Variants in CWC22 observed in about 807,000 individuals in gnomAD.
CWC22 encodes the protein CWC22 spliceosome associated protein.
A neutral mutation model predicts 117.2 loss-of-function variants in CWC22; 53 were observed. The observed-to-expected ratio is 0.45, with a 90% CI of 0.36 to 0.57. The LOEUF is 0.57. Among genes scored for constraint, CWC22 ranks in the 20% least tolerant of loss-of-function variants. The probability of loss-of-function intolerance (pLI) is 0.00; values close to 1 mark genes in which losing one functional copy is unlikely to be tolerated. For synonymous variants in CWC22, 360 were observed against 355.6 expected (o/e 1.01, Z -0.14); for missense variants, 980 against 1,068.8 (o/e 0.92, Z 1.16).
At chr2:179,946,128 C>G (rs1686288981) in intron 19 of CWC22, among the ~76,000 whole-genome samples, 1 of 152,090 alleles carries the variant, frequency 6.6e-6, no homozygotes, top group Admixed American at 6.6e-5. Flanking sequence ...GGTGATCTGC[C>G]TGCCTCGGCC....
rs1190453995 is a variant in CWC22, at chr2:179,970,441, G to A, written c.1210+60C>T. On this transcript the variant is annotated intron_variant, in intron 11 of 19. Coordinates refer to ENST00000410053, the MANE Select transcript of CWC22 (RefSeq NM_020943.3). ...TCTAAATATTTGCTATCAGTATTAC[G>A]TAACTACTTAAATTGCTTCTACTTA... is the stretch of plus-strand genomic sequence containing the variant. The A allele has an allele frequency of 1.8e-5, 25 of 1,381,468 alleles. No individual in the cohort carries two copies. In the Admixed American group the frequency reaches 3.4e-4, roughly 19 times the overall value. The allele number at this position is 1,381,468 out of a possible 1,614,324, so 85.6% of individuals were successfully genotyped here.
chr2:179,986,926 G>T, intron 3 of CWC22, 121 bp from the exon 4 acceptor site: 2 of 493,070 alleles, frequency 4.1e-6, no homozygotes, highest in African/African-American at 2.0e-5. Context: ...GTGTCAAACT[G>T]TTCTTAACAG....
intron 1 of CWC22, among the ~76,000 whole-genome samples, chr2:179,998,014 C>A (rs1305789725): frequency 6.6e-6 from 1 of 152,138 alleles, no homozygotes; most frequent in Non-Finnish European, 1.5e-5. Flanking sequence ...TGGGGCCCAC[C>A]TCTGACTTAC....
intron 17 of CWC22, among the ~76,000 whole-genome samples, chr2:179,951,901 G>GC (rs1686459556): frequency 1.3e-5 from 2 of 151,998 alleles, no homozygotes; most frequent in African/African-American, 2.4e-5. Flanking sequence ...AAGTGAAGAG[G>GC]CATGCAGCCT....
chr2:179,952,512 T>G lies in CWC22; in HGVS notation c.1776A>C (p.Glu592Asp). The stretch of plus-strand genomic sequence containing the variant: ...CATTAAGTTTAGGAAGACCCATGTA[T>G]TCACACAGTTCCTGGAAAAATATTT... ...FVKIFFQELC[E>D]YMGLPKLNAR... The change falls in exon 17 of 20, where the codon GAA (glutamate) becomes GAC (aspartate). Residue 592 changes from glutamate to aspartate, a missense_variant. Glu to Asp is a conservative substitution (Grantham distance 45, BLOSUM62 2). Coordinates refer to ENST00000410053, the MANE Select transcript of CWC22 (RefSeq NM_020943.3). 1 of 1,569,572 alleles carries G rather than the reference T, an allele frequency of 6.4e-7. No homozygotes were observed. Among genetic ancestry groups the G allele is most frequent in the Non-Finnish European group, 8.7e-7 (1 of 1,155,758 alleles).
At chr2:179,985,350 C>A (rs1284724730) in intron 4 of CWC22, among the ~76,000 whole-genome samples, 1 of 152,006 alleles carries the variant, frequency 6.6e-6, no homozygotes, top group Non-Finnish European at 1.5e-5. Flanking sequence ...GAGAGTATTT[C>A]CATCTGCAGA....
At chr2:179,983,161 T>C (rs1687327511) in intron 4 of CWC22, among the ~76,000 whole-genome samples, 1 of 152,132 alleles carries the variant, frequency 6.6e-6, no homozygotes, top group African/African-American at 2.4e-5. Flanking sequence ...ATAGGTAAAC[T>C]TGTGTCATGG....
At chr2:179,998,867 G>T (rs1687775370) in intron 1 of CWC22, among the ~76,000 whole-genome samples, 1 of 152,146 alleles carries the variant, frequency 6.6e-6, no homozygotes, top group South Asian at 2.1e-4. Context: ...TACTCTCCTG[G>T]AGTCTTACAC....
At chr2:179,969,379 T>C (rs1322323158) in intron 11 of CWC22, among the ~76,000 whole-genome samples, 1 of 152,158 alleles carries the variant, frequency 6.6e-6, no homozygotes. Context: ...GAAGAGAAAC[T>C]CATTATTATA....
intron 12 of CWC22, among the ~76,000 whole-genome samples, chr2:179,965,025 C>G (rs543541873): frequency 6.6e-6 from 1 of 152,072 alleles, no homozygotes; most frequent in Non-Finnish European, 1.5e-5. Context: ...TAGATCATCA[C>G]GACAGGCTGG....
rs1687008624 is a variant in CWC22 at position 179,970,634 on chromosome 2, C to T, written c.1147+16G>A. 1 of 1,607,700 alleles carries T rather than the reference C, an allele frequency of 6.2e-7. No homozygotes were observed. On this transcript the variant is annotated intron_variant, in intron 10 of 19. Transcript: ENST00000410053. The stretch of plus-strand genomic sequence containing the variant: ...TGTTGGTAAGCCTCTTTCCAACTAA[C>T]ATGCCCCGGACTTACTAAGAACATC...
chr2:179,973,813 A>T lies in CWC22; in HGVS notation c.582-11T>A. 6.7e-7 allele frequency: 1 copy of T among 1,496,422 alleles called. No homozygotes were observed. The highest frequency in any genetic ancestry group is 1.4e-5 in the South Asian group (1 of 73,680). The allele number at this position is 1,496,422 out of a possible 1,614,324, so 92.7% of individuals were successfully genotyped here. A position where few individuals can be genotyped will look rare whatever the true frequency, so the allele number is the denominator to read the frequency against. ...CTGGACAGCAGTCCTCTGTTTAAAA[A>T]AGAATTTAAAAAGGAGTCAACAATA... On this transcript the variant is annotated splice_polypyrimidine_tract_variant and intron_variant, in intron 6 of 19. Transcript: ENST00000410053.
chr2:179,960,128 G>A (rs569239590), intron 13 of CWC22, among the ~76,000 whole-genome samples: 13 of 152,074 alleles, frequency 8.5e-5, no homozygotes, highest in Admixed American at 5.9e-4. Context: ...CAAATATGAC[G>A]GTAGTAAATT....
In CWC22 at chr2:179,954,957, C is replaced by G; in HGVS notation, c.1536G>C (p.Gly512=). 6.4e-7 allele frequency: 1 copy of G among 1,557,898 alleles called. No homozygotes were observed. The highest frequency in any genetic ancestry group is 8.8e-7 in the Non-Finnish European group (1 of 1,137,546). Residue 512 remains glycine (G), a splice_region_variant and synonymous_variant, in exon 15 of 20, where the codon GGG becomes GGC. Coordinates refer to ENST00000410053, the MANE Select transcript of CWC22 (RefSeq NM_020943.3). The part of the protein sequence containing the change: ...TYEKFFGLLA[G]RFCMLKKEYM... ...TCCCTCAGTAGAGGCTGGAACTCAC[C>G]CCAGCTAATAAGCCAAAAAATTTTT... is the stretch of plus-strand genomic sequence containing the variant.
chr2:179,979,031 T>C (rs16867128), intron 5 of CWC22, among the ~76,000 whole-genome samples: 3,194 of 152,272 alleles, frequency 0.021, 115 homozygotes, highest in African/African-American at 0.072. Flanking sequence ...TCTAAGATCT[T>C]TCAATGCTCT....
At chr2:179,967,895 T>C (rs1686932134) in intron 11 of CWC22, among the ~76,000 whole-genome samples, 1 of 152,098 alleles carries the variant, frequency 6.6e-6, no homozygotes, top group Non-Finnish European at 1.5e-5. Flanking sequence ...ATTTCTCAAA[T>C]GCAAACAAAC....
At chr2:179,955,527 G>A (rs998704461) in intron 14 of CWC22, among the ~76,000 whole-genome samples, 5 of 151,794 alleles carry the variant, frequency 3.3e-5, no homozygotes, top group Admixed American at 6.6e-5. Flanking sequence ...CAACTTCAAC[G>A]TTAACATAAA....
Position 179,945,124 on chromosome 2 carries a change from T to G in CWC22, c.*5A>C. The stretch of plus-strand genomic sequence containing the variant: ...GGCATGTCCAGTTTATGTCATTTTG[T>G]AGAATTATTTTTGTTTTGCTGGAGA... On this transcript the variant is annotated 3_prime_UTR_variant, in exon 20 of 20. Coordinates refer to ENST00000410053, the MANE Select transcript of CWC22 (RefSeq NM_020943.3). 6.3e-7 allele frequency: 1 copy of G among 1,576,936 alleles called. No individual in the cohort carries two copies.
intron 6 of CWC22, among the ~76,000 whole-genome samples, chr2:179,977,864 A>C (rs1403033108): frequency 6.6e-6 from 1 of 152,182 alleles, no homozygotes; most frequent in African/African-American, 2.4e-5. Context: ...AGAAATAAAA[A>C]ATTAAATTAG....
Sources: allele counts gnomAD v4.1 joint callset (sites outside exome capture counted in the v4.1 genomes callset), GRCh38; gene constraint gnomAD v4.1.1; transcripts MANE v1.5; gene names NCBI Gene and HGNC (gene_info 2026-07-23, HGNC 2026-07-21).